Variants in GRIP1 observed in about 807,000 individuals in gnomAD.
The protein encoded by GRIP1 is glutamate receptor interacting protein 1, also known as glutamate receptor-interacting protein 1.
GRIP1 carries 45 observed loss-of-function variants against 129.9 expected under a neutral mutation model. That is an observed-to-expected ratio of 0.35 (90% CI 0.27 to 0.44). The LOEUF is 0.44. Among genes scored for constraint, GRIP1 ranks in the 20% least tolerant of loss-of-function variants. GRIP1 has a pLI of 1.00. For missense variants in GRIP1, 1,196 were observed against 1,396.8 expected, an observed-to-expected ratio of 0.86 and a Z score of 2.29; for synonymous variants, 530 against 520.8, an observed-to-expected ratio of 1.02 and a Z score of -0.24.
At chr12:66,462,583 C>T (rs1226351582) in intron 9 of GRIP1, among the ~76,000 whole-genome samples, 1 of 151,896 alleles carries the variant, frequency 6.6e-6, no homozygotes, top group African/African-American at 2.4e-5. Flanking sequence ...ACAAACATAA[C>T]CTTGTTTTGA....
At chr12:66,362,328 T>C (rs979684325) in intron 23 of GRIP1, among the ~76,000 whole-genome samples, 3 of 151,778 alleles carry the variant, frequency 2.0e-5, no homozygotes, top group Non-Finnish European at 4.4e-5. Context: ...TAATTTTGTA[T>C]TTTTAGTAGA....
At chr12:66,671,163 C>A (rs1233683371) in intron 1 of GRIP1, among the ~76,000 whole-genome samples, 1 of 152,148 alleles carries the variant, frequency 6.6e-6, no homozygotes, top group South Asian at 2.1e-4. Context: ...AATTTAGAAA[C>A]CCCTGAATTG....
At chr12:66,852,422 CTGAGT>C (rs2039928912) in intron 1 of GRIP1, among the ~76,000 whole-genome samples, 1 of 151,152 alleles carries the variant, frequency 6.6e-6, no homozygotes, top group African/African-American at 2.4e-5. Flanking sequence ...TTAGTACCAC[CTGAGT>C]TTAGTTAGGA....
chr12:66,982,931 T>C (rs775998178), intron 1 of GRIP1, among the ~76,000 whole-genome samples: 2 of 152,214 alleles, frequency 1.3e-5, no homozygotes, highest in African/African-American at 2.4e-5. Flanking sequence ...TTATAAGATG[T>C]AAGCAGAAGT....
At chr12:66,527,681 A>C (rs2061300344) in intron 5 of GRIP1, among the ~76,000 whole-genome samples, 1 of 152,110 alleles carries the variant, frequency 6.6e-6, no homozygotes, top group Non-Finnish European at 1.5e-5. Context: ...TAATAATAAC[A>C]AAATTAAAAA....
chr12:66,764,323 T>C (rs903338407), intron 1 of GRIP1, among the ~76,000 whole-genome samples: 2 of 152,232 alleles, frequency 1.3e-5, no homozygotes, highest in African/African-American at 4.8e-5. Context: ...TATTAATTAA[T>C]AGTCTTAATG....
At chr12:66,749,891 G>C (rs78875398) in intron 1 of GRIP1, among the ~76,000 whole-genome samples, 3 of 152,150 alleles carry the variant, frequency 2.0e-5, no homozygotes, top group Non-Finnish European at 4.4e-5. Flanking sequence ...GATACAGAGA[G>C]AGAAATAAAT....
intron 1 of GRIP1, among the ~76,000 whole-genome samples, chr12:67,021,803 C>G (rs1332809511): frequency 6.6e-6 from 1 of 152,146 alleles, no homozygotes; most frequent in Non-Finnish European, 1.5e-5. Flanking sequence ...CCCTATCCCC[C>G]CATTCCCTTT....
At chr12:66,482,732 T>C (rs2059840862) in intron 7 of GRIP1, among the ~76,000 whole-genome samples, 1 of 152,112 alleles carries the variant, frequency 6.6e-6, no homozygotes. Flanking sequence ...GCTGGATAAA[T>C]GGGGCACTCT....
intron 1 of GRIP1, among the ~76,000 whole-genome samples, chr12:66,991,072 A>G (rs1049733661): frequency 1.3e-5 from 2 of 152,124 alleles, no homozygotes; most frequent in Non-Finnish European, 2.9e-5. Context: ...AGGAGACGAG[A>G]CCATCCTGGC....
At chr12:66,457,565 T>G (rs2059004635) in intron 9 of GRIP1, among the ~76,000 whole-genome samples, 1 of 152,220 alleles carries the variant, frequency 6.6e-6, no homozygotes, top group African/African-American at 2.4e-5. Context: ...ACTTAACATA[T>G]GAATTTATAT....
At chr12:66,764,120 G>C (rs1853805998) in intron 1 of GRIP1, among the ~76,000 whole-genome samples, 1 of 152,186 alleles carries the variant, frequency 6.6e-6, no homozygotes, top group Admixed American at 6.5e-5. Flanking sequence ...ATCAAAACTA[G>C]ATATAAACAA....
intron 1 of GRIP1, among the ~76,000 whole-genome samples, chr12:67,001,379 A>G (rs918275291): frequency 5.3e-5 from 8 of 152,188 alleles, no homozygotes; most frequent in African/African-American, 1.9e-4. Context: ...CACTGAGAAG[A>G]AGGCAATGGA....
Position 66,463,075 on chromosome 12 carries a change from C to A in GRIP1, c.891G>T (p.Val297=). 4 of 1,613,706 alleles carry A rather than the reference C, an allele frequency of 2.5e-6. No homozygotes were observed. Among genetic ancestry groups the A allele is most frequent in the Non-Finnish European group, 3.4e-6 (4 of 1,179,712 alleles). Residue 297 remains valine (V), a synonymous_variant, in exon 9 of 25, where the codon GTG becomes GTT. Coordinates refer to ENST00000359742, the MANE Select transcript of GRIP1 (RefSeq NM_001366722.1). ...SIADRCGALH[V]GDHILSIDGT... Reference sequence around the variant, plus strand: ...CATCGATGGAGAGGATGTGATCTCCCACATGCAATGCGCCACATCTACGGA... The same window carrying A: ...CATCGATGGAGAGGATGTGATCTCCAACATGCAATGCGCCACATCTACGGA...
chr12:66,388,605 A>G (rs1236041752), intron 19 of GRIP1, among the ~76,000 whole-genome samples: 1 of 152,236 alleles, frequency 6.6e-6, no homozygotes, highest in Non-Finnish European at 1.5e-5. Flanking sequence ...GAAGGGCATG[A>G]GGCATCTAAT....
rs540192040 is a variant in GRIP1 at position 66,530,917 on chromosome 12, T to C, written c.419-1003A>G. Among the ~76,000 whole-genome samples, 11 of 148,308 alleles carry C rather than the reference T, an allele frequency of 7.4e-5. No individual in the cohort carries two copies. In the South Asian group the frequency reaches 2.0e-3, roughly 26 times the overall value. ...TACATTGCTACTAGATCCTGAAGGGTTTATTAGATAAAACTATCAGCAAAA... is the reference window on the plus strand; with the variant it reads ...TACATTGCTACTAGATCCTGAAGGGCTTATTAGATAAAACTATCAGCAAAA... On this transcript the variant is annotated intron_variant, in intron 4 of 24. Coordinates refer to ENST00000359742, the MANE Select transcript of GRIP1 (RefSeq NM_001366722.1).
intron 1 of GRIP1, among the ~76,000 whole-genome samples, chr12:67,058,883 C>T (rs1001041908): frequency 6.6e-6 from 1 of 151,860 alleles, no homozygotes; most frequent in African/African-American, 2.4e-5. Flanking sequence ...TAGGGAACAG[C>T]AAAGAAAGAG....
chr12:67,040,786 T>C (rs907625807), intron 1 of GRIP1, among the ~76,000 whole-genome samples: 26 of 152,224 alleles, frequency 1.7e-4, no homozygotes, highest in African/African-American at 6.3e-4. Context: ...GGTTGGTTAC[T>C]GTCATGGTTA....
At chr12:66,962,183 T>G (rs906275542) in intron 1 of GRIP1, among the ~76,000 whole-genome samples, 1 of 152,222 alleles carries the variant, frequency 6.6e-6, no homozygotes, top group African/African-American at 2.4e-5. Flanking sequence ...CTAACAGTTT[T>G]AAAGTTTAGA....
Sources: gnomAD v4.1 joint callset for allele counts (sites outside exome capture counted in the v4.1 genomes callset) on GRCh38, gnomAD v4.1.1 for gene constraint, MANE v1.5 for transcripts, NCBI Gene and HGNC (gene_info 2026-07-23, HGNC 2026-07-21) for gene names.